C1orf216: variants seen among roughly 807,000 people sequenced by gnomAD.
C1orf216 encodes the protein UPF0500 protein C1orf216.
C1orf216 carries 18 observed loss-of-function variants against 16.4 expected under a neutral mutation model. The observed-to-expected ratio is 1.10, with a 90% confidence interval of 0.76 to 1.63. The LOEUF is 1.63. Among genes scored for constraint, C1orf216 ranks in the 40% most tolerant of loss-of-function variants. The pLI is 0.00. For missense variants in C1orf216, 271 were observed against 297.6 expected (o/e 0.91, Z 0.66); for synonymous variants, 115 against 116.9 (o/e 0.98, Z 0.11).
chr1:35,714,699 G>C lies in C1orf216; in HGVS notation c.*933C>G, dbSNP rs1640923327. On this transcript the variant is annotated 3_prime_UTR_variant, in exon 2 of 2. Transcript: ENST00000270815. ...TCTTTCCTGTCCCCATCTCCCATGT[G>C]CCCAAAGGCAGAGTTCAAGAGGGAC... is the stretch of plus-strand genomic sequence containing the variant. The C allele has an allele frequency of 1.3e-5, 2 of 152,332 alleles. No individual in the cohort carries two copies. Among genetic ancestry groups the C allele is most frequent in the South Asian group, 4.1e-4 (2 of 4,826 alleles). 9.4% of individuals were successfully genotyped at this position (152,332 alleles called of 1,614,324 possible). A position where few individuals can be genotyped will look rare whatever the true frequency, so the allele number is the denominator to read the frequency against.
At position 35,716,140 on chromosome 1, in the gene C1orf216, G is replaced by A; in HGVS notation, c.182C>T (p.Ser61Phe). The A allele has an allele frequency of 6.2e-7, 1 of 1,614,236 alleles. No individual in the cohort carries two copies. Among genetic ancestry groups the A allele is most frequent in the Non-Finnish European group, 8.5e-7 (1 of 1,180,030 alleles). The change falls in exon 2 of 2, where the codon TCC (serine) becomes TTC (phenylalanine). Residue 61 changes from serine to phenylalanine, a missense_variant. Ser to Phe is a radical substitution (Grantham distance 155). This residue lies in a region of C1orf216 where 220 missense variants were observed against 227.8 expected (regional missense o/e 0.97). Transcript: ENST00000270815. ...TTGGTTGTCAGAGGGTGACTCAGAG[G>A]AGCTCCTCCTCAGGATAGGTTCCAC... ...GRVEPILRRS[S>F]SESPSDNQAF...
rs768046287 is a variant in C1orf216 at position 35,716,292 on chromosome 1, C to G, written c.30G>C (p.Glu10Asp). 4 of 1,613,704 alleles carry G rather than the reference C, an allele frequency of 2.5e-6. No homozygotes were observed. The African/African-American group carries it at 4.0e-5, about 16-fold the overall frequency. ...GTGGGTCCCCCAGGAATTGGCCCCC[C>G]TCAGCTAGCCCTGGCTGGATGGCGA... MFAIQPGLA[E>D]GGQFLGDPPP... The change falls in exon 2 of 2, where the codon GAG becomes GAC. Residue 10 changes from glutamate to aspartate, a missense_variant. Around this residue, in one of 3 missense-constraint regions of C1orf216, gnomAD observed 44 missense variants for 46.0 expected, o/e 0.96. Transcript: ENST00000270815.
In C1orf216 at chr1:35,715,465, T is replaced by A. The variant is rs527359519; in HGVS notation, c.*167A>T. 316 of 750,134 alleles carry A rather than the reference T, an allele frequency of 4.2e-4. No individual in the cohort carries two copies. The highest frequency in any genetic ancestry group is 6.0e-4 in the Non-Finnish European group (283 of 470,534). 46.5% of individuals were successfully genotyped at this position (750,134 alleles called of 1,614,324 possible). On this transcript the variant is annotated 3_prime_UTR_variant, in exon 2 of 2. Transcript: ENST00000270815. This position sits in a 1 kb window ranked among gnomAD's most constrained non-coding sequence, Gnocchi z 4.3. ...TGTGCACACAGCACACTTAAGCTCATTTATACATGCTTATTCACACATGCC... is the reference window on the plus strand; with the variant it reads ...TGTGCACACAGCACACTTAAGCTCAATTATACATGCTTATTCACACATGCC...
In C1orf216 at chr1:35,714,280, A is replaced by G. The variant is rs1459544442; in HGVS notation, c.*1352T>C. The G allele has an allele frequency of 6.6e-6, 1 of 152,242 alleles. No individual in the cohort carries two copies. The highest frequency in any genetic ancestry group is 1.5e-5 in the Non-Finnish European group (1 of 68,066). The allele number at this position is 152,242 out of a possible 1,614,324, so 9.4% of individuals were successfully genotyped here. Reference sequence around the variant, plus strand: ...CCTGCCAATCCCTGTTTGAAGGGCCATGCAGTGAAAGAAGGGGTTAAAATT... The same window carrying G: ...CCTGCCAATCCCTGTTTGAAGGGCCGTGCAGTGAAAGAAGGGGTTAAAATT... On this transcript the variant is annotated 3_prime_UTR_variant, in exon 2 of 2. Transcript: ENST00000270815.
intron 1 of C1orf216, chr1:35,716,546 G>C: frequency 1.8e-6 from 1 of 567,204 alleles, no homozygotes; most frequent in Non-Finnish European, 3.1e-6. Context: ...TCCGTCCTCA[G>C]AGCCAGGCTG....
At position 35,715,879 on chromosome 1, in the gene C1orf216, G is replaced by A. The variant is rs149157004; in HGVS notation, c.443C>T (p.Ala148Val). ...GPPDPLLPSV[A>V]QAVQHLQVQE... ...GACTTGTAAGTGCTGCACAGCCTGG[G>A]CCACTGAGGGCAGAAGGGGATCGGG... The change falls in exon 2 of 2, where the codon GCC (alanine) becomes GTC (valine). Residue 148 changes from alanine to valine, a missense_variant. By Grantham distance (64) the Ala-to-Val change is moderately conservative. Coordinates refer to ENST00000270815, the MANE Select transcript of C1orf216 (RefSeq NM_152374.2). The surrounding 1 kb of genome is among the most constrained non-coding windows in gnomAD (Gnocchi z 4.3). 72 of 1,614,230 alleles carry A rather than the reference G, an allele frequency of 4.5e-5. No individual in the cohort carries two copies. The African/African-American group carries it at 6.0e-4, about 13-fold the overall frequency.
At chr1:35,716,665 G>T in intron 1 of C1orf216, 2 of 299,338 alleles carry the variant, frequency 6.7e-6, no homozygotes, top group Admixed American at 4.9e-5. Flanking sequence ...AGATCCAACT[G>T]CTATCCAACC....
intron 1 of C1orf216, among the ~76,000 whole-genome samples, chr1:35,717,491 CT>C (rs1640973035): frequency 6.6e-6 from 1 of 152,172 alleles, no homozygotes; most frequent in Admixed American, 6.5e-5. Context: ...CAGCAAATTC[CT>C]TTTTGTACTT....
intron 1 of C1orf216, among the ~76,000 whole-genome samples, chr1:35,718,108 G>A (rs561983724): frequency 6.6e-6 from 1 of 152,248 alleles, no homozygotes; most frequent in African/African-American, 2.4e-5. Context: ...CCTGGAGGGA[G>A]GGCATACCAC....
At chr1:35,717,451 C>T (rs1314287931) in intron 1 of C1orf216, among the ~76,000 whole-genome samples, 4 of 152,194 alleles carry the variant, frequency 2.6e-5, no homozygotes, top group South Asian at 2.1e-4. Flanking sequence ...CTTCCTCTCC[C>T]CTCCCCTCAA....
Position 35,716,086 on chromosome 1 carries a change from T to C in C1orf216, c.236A>G (p.Glu79Gly). 6.2e-7 allele frequency: 1 copy of C among 1,614,136 alleles called. No individual in the cohort carries two copies. Among genetic ancestry groups the C allele is most frequent in the South Asian group, 1.1e-5 (1 of 91,088 alleles). Residue 79 changes from glutamate to glycine, a missense_variant, in exon 2 of 2, where the codon GAA (glutamate) becomes GGA (glycine). By Grantham distance (98) the Glu-to-Gly change is moderately conservative. Coordinates refer to ENST00000270815, the MANE Select transcript of C1orf216 (RefSeq NM_152374.2). ...QAFQAPGSPE[E>G]GVRSPPEGAE... is the part of the protein sequence containing the mutation. ...CCCCTCTGGGGGGCTGCGCACCCCT[T>C]CCTCAGGGGATCCAGGGGCCTGGAA...
chr1:35,716,428 G>C (rs972838388), intron 1 of C1orf216, 102 bp from the exon 2 acceptor site: 4 of 1,004,750 alleles, frequency 4.0e-6, no homozygotes, highest in Non-Finnish European at 5.8e-6. Flanking sequence ...CAAGAGCCTG[G>C]CCACTCCCTG....
At position 35,716,300 on chromosome 1, in the gene C1orf216, G is replaced by A. The variant is rs780795031; in HGVS notation, c.22C>T (p.Leu8=). The A allele has an allele frequency of 6.2e-7, 1 of 1,613,406 alleles. No individual in the cohort carries two copies. The highest frequency in any genetic ancestry group is 1.3e-5 in the African/African-American group (1 of 74,964). The change falls in exon 2 of 2, where the codon CTA becomes TTA. Residue 8 remains leucine, a synonymous_variant. Coordinates refer to ENST00000270815, the MANE Select transcript of C1orf216 (RefSeq NM_152374.2). MFAIQPG[L]AEGGQFLGDP... ...CCCAGGAATTGGCCCCCCTCAGCTA[G>A]CCCTGGCTGGATGGCGAACATCTAG...
rs532553416 is a variant in C1orf216 at position 35,715,298 on chromosome 1, T to C, written c.*334A>G. 73 of 340,574 alleles carry C rather than the reference T, an allele frequency of 2.1e-4. No individual in the cohort carries two copies. Among genetic ancestry groups the C allele is most frequent in the Non-Finnish European group, 3.2e-4 (58 of 183,226 alleles). The allele number at this position is 340,574 out of a possible 1,614,324, so 21.1% of individuals were successfully genotyped here. On this transcript the variant is annotated 3_prime_UTR_variant, in exon 2 of 2. Coordinates refer to ENST00000270815, the MANE Select transcript of C1orf216 (RefSeq NM_152374.2). The surrounding 1 kb of genome is among the most constrained non-coding windows in gnomAD (Gnocchi z 4.3). Reference sequence around the variant, plus strand: ...TCTTCTGCCTATACATCCTCACTCATGCGCATATACACACACTGCTGGGTA... The same window carrying C: ...TCTTCTGCCTATACATCCTCACTCACGCGCATATACACACACTGCTGGGTA...
chr1:35,717,163 C>T (rs1640970167), intron 1 of C1orf216, among the ~76,000 whole-genome samples: 1 of 152,174 alleles, frequency 6.6e-6, no homozygotes, highest in South Asian at 2.1e-4. Flanking sequence ...CATTCTTCCT[C>T]TTCCAGGCCA....
At chr1:35,718,459 G>A (rs888929020) in intron 1 of C1orf216, among the ~76,000 whole-genome samples, 4 of 152,154 alleles carry the variant, frequency 2.6e-5, no homozygotes, top group Admixed American at 2.0e-4. Context: ...AGCTGGGATG[G>A]GGTGGGGGTG....
At position 35,716,080 on chromosome 1, in the gene C1orf216, A is replaced by T; in HGVS notation, c.242T>A (p.Val81Glu). ...CTCTGCCCCCTCTGGGGGGCTGCGC[A>T]CCCCTTCCTCAGGGGATCCAGGGGC... ...FQAPGSPEEGVRSPPEGAEIP... is the reference protein window; with the variant it reads ...FQAPGSPEEGERSPPEGAEIP... The change falls in exon 2 of 2, where the codon GTG becomes GAG. Residue 81 changes from valine (V) to glutamate (E), a missense_variant. By Grantham distance (121) the Val-to-Glu change is moderately radical. This residue lies in a region of C1orf216 where 220 missense variants were observed against 227.8 expected (regional missense o/e 0.97). Transcript: ENST00000270815. 1.2e-6 allele frequency: 2 copies of T among 1,613,902 alleles called. No homozygotes were observed. Among genetic ancestry groups the T allele is most frequent in the Non-Finnish European group, 1.7e-6 (2 of 1,179,948 alleles).
rs901234187 is a variant in C1orf216 at position 35,715,262 on chromosome 1, A to G, written c.*370T>C. The G allele has an allele frequency of 2.2e-5, 6 of 277,654 alleles. No individual in the cohort carries two copies. The highest frequency in any genetic ancestry group is 1.1e-4 in the African/African-American group (5 of 45,954). The allele number at this position is 277,654 out of a possible 1,614,324, so 17.2% of individuals were successfully genotyped here. On this transcript the variant is annotated 3_prime_UTR_variant, in exon 2 of 2. Transcript: ENST00000270815. This position sits in a 1 kb window ranked among gnomAD's most constrained non-coding sequence, Gnocchi z 4.3. The stretch of plus-strand genomic sequence containing the variant: ...AGCCTGCACACTCAAACTCACTCAT[A>G]GACACACACATCTTCTGCCTATACA...
chr1:35,714,226 A>G lies in C1orf216; in HGVS notation c.*1406T>C, dbSNP rs1421442561. On this transcript the variant is annotated 3_prime_UTR_variant, in exon 2 of 2. Coordinates refer to ENST00000270815, the MANE Select transcript of C1orf216 (RefSeq NM_152374.2). ...GCTACCTTAGTCGTTGGTTCTCTCC[A>G]AGACTCACCCACTCTGTAACTCGCG... 2 of 152,204 alleles carry G rather than the reference A, an allele frequency of 1.3e-5. No homozygotes were observed. The highest frequency in any genetic ancestry group is 2.9e-5 in the Non-Finnish European group (2 of 68,074). The allele number at this position is 152,204 out of a possible 1,614,324, so 9.4% of individuals were successfully genotyped here. A position where few individuals can be genotyped will look rare whatever the true frequency, so the allele number is the denominator to read the frequency against.
Sources: allele counts gnomAD v4.1 joint callset (sites outside exome capture counted in the v4.1 genomes callset), GRCh38; gene constraint gnomAD v4.1.1; regional missense constraint gnomAD v4.1.1; non-coding constraint Gnocchi (gnomAD v3.1); transcripts MANE v1.5; gene names NCBI Gene and HGNC (gene_info 2026-07-23, HGNC 2026-07-21).